TDRD6: variants seen among roughly 807,000 people sequenced by gnomAD.
The protein encoded by TDRD6 is tudor domain-containing protein 6.
Under a neutral mutation model 157.5 loss-of-function variants are expected in TDRD6, and 186 were observed. The ratio of observed to expected loss-of-function variants is 1.18; its 90% CI spans 1.05 to 1.33. TDRD6 has a LOEUF of 1.33. Among genes scored for constraint, TDRD6 ranks in the 40% most tolerant of loss-of-function variants. The pLI is 0.00. For synonymous variants in TDRD6, 1,075 were observed against 945.2 expected (o/e 1.14, Z -2.52); for missense variants, 3,066 against 2,508.0 (o/e 1.22, Z -4.75).
chr6:46,690,341 T>G lies in TDRD6; in HGVS notation c.2213T>G (p.Val738Gly). 6.2e-7 allele frequency: 1 copy of G among 1,613,376 alleles called. No individual in the cohort carries two copies. Among genetic ancestry groups the G allele is most frequent in the Non-Finnish European group, 8.5e-7 (1 of 1,179,954 alleles). The change falls in exon 1 of 4, where the codon GTG becomes GGG. Residue 738 changes from valine (V) to glycine (G), a missense_variant. By Grantham distance (109) the Val-to-Gly change is moderately radical. Transcript: ENST00000316081. ...ACAAATGGTTCAACTGAACTAGTTG[T>G]GCAGGAAAAAGTGAAAAGAGCATCT... The part of the protein sequence containing the change: ...VVTNGSTELV[V>G]QEKVKRASVY...
chr6:46,682,658 T>C, the TDRD6 span, among the ~76,000 whole-genome samples: 7 of 151,942 alleles, frequency 4.6e-5, no homozygotes, highest in African/African-American at 1.7e-4. Context: ...ATAAGGCCAA[T>C]ATACAAAAAT....
rs139287058 is a variant in TDRD6 at position 46,689,297 on chromosome 6, G to A, written c.1169G>A (p.Arg390Gln). ...TGGGACGGTGGGAGAGGCTGGTCTCGGTCACAGGTCGGTGACCTGAAGACA... is the reference window on the plus strand; with the variant it reads ...TGGGACGGTGGGAGAGGCTGGTCTCAGTCACAGGTCGGTGACCTGAAGACA... ...GLWDGGRGWSRSQVGDLKTLI... is the reference protein window; with the variant it reads ...GLWDGGRGWSQSQVGDLKTLI... The change falls in exon 1 of 4, where the codon CGG (arginine) becomes CAG (glutamine). Residue 390 changes from arginine (R) to glutamine (Q), a missense_variant. Physicochemically the swap from Arg to Gln is conservative, Grantham distance 43. Transcript: ENST00000316081. 77 of 1,614,116 alleles carry A rather than the reference G, an allele frequency of 4.8e-5. No homozygotes were observed. Among genetic ancestry groups the A allele is most frequent in the Middle Eastern group, 3.3e-4 (2 of 6,062 alleles).
chr6:46,681,704 T>C, the TDRD6 span: 3 of 397,842 alleles, frequency 7.5e-6, no homozygotes, highest in Non-Finnish European at 1.6e-5. Flanking sequence ...TAATTGCTTG[T>C]TATCACGGGT....
At position 46,688,712 on chromosome 6, in the gene TDRD6, G is replaced by T; in HGVS notation, c.584G>T (p.Gly195Val). 6.2e-7 allele frequency: 1 copy of T among 1,601,020 alleles called. No individual in the cohort carries two copies. The highest frequency in any genetic ancestry group is 8.5e-7 in the Non-Finnish European group (1 of 1,179,516). The change falls in exon 1 of 4, where the codon GGC becomes GTC. Residue 195 changes from glycine (G) to valine (V), a missense_variant. Transcript: ENST00000316081. ...PDVFQQMREL[G>V]LARRVPDSLF... ...GTGTTCCAACAGATGCGGGAGCTGGGCCTGGCTCGGCGGGTGCCCGACAGC... is the reference window on the plus strand; with the variant it reads ...GTGTTCCAACAGATGCGGGAGCTGGTCCTGGCTCGGCGGGTGCCCGACAGC...
upstream of TDRD6, among the ~76,000 whole-genome samples, chr6:46,685,838 GTTTA>G (rs990245994): frequency 6.6e-6 from 1 of 152,078 alleles, no homozygotes; most frequent in South Asian, 2.1e-4. Flanking sequence ...TGGGAGGAAA[GTTTA>G]TTTATTATAA....
At chr6:46,680,364 C>G in the TDRD6 span, among the ~76,000 whole-genome samples, 1 of 151,470 alleles carries the variant, frequency 6.6e-6, no homozygotes, top group Non-Finnish European at 1.5e-5. Context: ...AGTGATTGAA[C>G]TCTAGAATCT....
Position 46,689,968 on chromosome 6 carries a change from C to G in TDRD6, c.1840C>G (p.Gln614Glu). The G allele has an allele frequency of 6.2e-7, 1 of 1,613,632 alleles. No individual in the cohort carries two copies. The highest frequency in any genetic ancestry group is 8.5e-7 in the Non-Finnish European group (1 of 1,179,756). Residue 614 changes from glutamine (Q) to glutamate (E), a missense_variant, in exon 1 of 4, where the codon CAG becomes GAG. Gln to Glu is a conservative substitution (Grantham distance 29, BLOSUM62 2). Transcript: ENST00000316081. The stretch of plus-strand genomic sequence containing the variant: ...TTGGCCTTTGGGAAAAACTTGGAGC[C>G]AGGAGGCAGTTTCCTTTTTTAAAAA... ...DIWPLGKTWS[Q>E]EAVSFFKKTV... is the part of the protein sequence containing the mutation.
chr6:46,685,814 C>T (rs570429918), upstream of TDRD6, among the ~76,000 whole-genome samples: 44 of 151,984 alleles, frequency 2.9e-4, no homozygotes, highest in Non-Finnish European at 4.6e-4. Flanking sequence ...AAACCAAGGG[C>T]CTCTCAAGAC....
At position 46,689,330 on chromosome 6, in the gene TDRD6, T is replaced by C; in HGVS notation, c.1202T>C (p.Leu401Pro). Residue 401 changes from leucine to proline, a missense_variant, in exon 1 of 4, where the codon CTA becomes CCA. By Grantham distance (98) the Leu-to-Pro change is moderately conservative. Transcript: ENST00000316081. ...GTCGGTGACCTGAAGACACTGATAC[T>C]AGGCAAGGCAGTGAATGCAAAGATT... ...SQVGDLKTLILGKAVNAKIEF... is the reference protein window; with the variant it reads ...SQVGDLKTLIPGKAVNAKIEF... 1 of 1,614,154 alleles carries C rather than the reference T, an allele frequency of 6.2e-7. No homozygotes were observed. The highest frequency in any genetic ancestry group is 8.5e-7 in the Non-Finnish European group (1 of 1,180,028).
upstream of TDRD6, chr6:46,687,725 T>A (rs1369265664): frequency 5.6e-6 from 1 of 178,738 alleles, no homozygotes. Flanking sequence ...TCGAAGGCGC[T>A]CTGAGGAGAT....
chr6:46,691,380 T>C lies in TDRD6; in HGVS notation c.3252T>C (p.Asp1084=), dbSNP rs377389823. ...TSDDLLPIPS[D]AYDVLLLPMQ... ...ATGATCTGCTTCCAATACCTAGTGA[T>C]GCATATGATGTCTTACTTTTGCCCA... is the stretch of plus-strand genomic sequence containing the variant. The change falls in exon 1 of 4, where the codon GAT becomes GAC. Residue 1084 remains aspartate, a synonymous_variant. Transcript: ENST00000316081. 8.1e-6 allele frequency: 13 copies of C among 1,614,066 alleles called. No homozygotes were observed. Among genetic ancestry groups the C allele is most frequent in the Non-Finnish European group, 1.0e-5 (12 of 1,179,944 alleles).
Position 46,689,532 on chromosome 6 carries a change from A to G in TDRD6, c.1404A>G (p.Glu468=). The change falls in exon 1 of 4, where the codon GAA becomes GAG. Residue 468 remains glutamate, a synonymous_variant. Coordinates refer to ENST00000316081, the MANE Select transcript of TDRD6 (RefSeq NM_001010870.3). ...ETSQSQSPAE[E]VDEEISLPAL... ...CTCAGTCTCAGTCTCCTGCTGAAGAAGTAGATGAAGAGATTTCACTCCCAG... is the reference window on the plus strand; with the variant it reads ...CTCAGTCTCAGTCTCCTGCTGAAGAGGTAGATGAAGAGATTTCACTCCCAG... The G allele has an allele frequency of 6.2e-7, 1 of 1,614,152 alleles. No homozygotes were observed. The highest frequency in any genetic ancestry group is 8.5e-7 in the Non-Finnish European group (1 of 1,180,038).
chr6:46,696,923 G>A (rs569540001), intron 2 of TDRD6, among the ~76,000 whole-genome samples: 1 of 151,806 alleles, frequency 6.6e-6, no homozygotes, highest in Non-Finnish European at 1.5e-5. Context: ...TTTTTAAATT[G>A]TATTATAGAT....
chr6:46,691,443 T>G lies in TDRD6; in HGVS notation c.3315T>G (p.Asp1105Glu). Residue 1105 changes from aspartate to glutamate, a missense_variant, in exon 1 of 4, where the codon GAT (aspartate) becomes GAG (glutamate). Coordinates refer to ENST00000316081, the MANE Select transcript of TDRD6 (RefSeq NM_001010870.3). ...GATGTTCATTATCTGATATTCCTGA[T>G]CATATACCAGAAGAAGTGGTGGTGT... Reference protein sequence around the residue: ...AVRCSLSDIPDHIPEEVVVWF... With the variant: ...AVRCSLSDIPEHIPEEVVVWF... 1 of 1,614,082 alleles carries G rather than the reference T, an allele frequency of 6.2e-7. No individual in the cohort carries two copies. The highest frequency in any genetic ancestry group is 8.5e-7 in the Non-Finnish European group (1 of 1,179,954).
At chr6:46,701,740 C>T (rs967796810) in intron 3 of TDRD6, 118 bp from the exon 4 acceptor site, 2 of 867,400 alleles carry the variant, frequency 2.3e-6, no homozygotes, top group Admixed American at 2.1e-5. Flanking sequence ...TTAGAATACT[C>T]ATCTGTCCCC....
chr6:46,685,014 G>GTTT (rs76156697), upstream of TDRD6, among the ~76,000 whole-genome samples: 79 of 131,516 alleles, frequency 6.0e-4, 1 homozygote, highest in African/African-American at 2.0e-3. Flanking sequence ...AACATTGTGG[G>GTTT]TTTTTTTTTT....
rs895909450 is a variant in TDRD6 at position 46,689,142 on chromosome 6, G to T, written c.1014G>T (p.Gln338His). 1.2e-6 allele frequency: 2 copies of T among 1,614,228 alleles called. No individual in the cohort carries two copies. The highest frequency in any genetic ancestry group is 1.7e-6 in the Non-Finnish European group (2 of 1,180,034). Residue 338 changes from glutamine to histidine, a missense_variant, in exon 1 of 4, where the codon CAG becomes CAT. Gln to His is a conservative substitution (Grantham distance 24, BLOSUM62 0). Coordinates refer to ENST00000316081, the MANE Select transcript of TDRD6 (RefSeq NM_001010870.3). The part of the protein sequence containing the change: ...RALLLETFRP[Q>H]RCAQVLHVDY... ...TGTTGCTTGAGACTTTTCGGCCCCA[G>T]CGCTGTGCCCAGGTGCTTCATGTGG...
In TDRD6 at chr6:46,689,663, C is replaced by G; in HGVS notation, c.1535C>G (p.Thr512Ser). ...ATTAGGTTGAGGAAACACAATGTCA[C>G]CTTCAGTAAGCTGATGAGGAGAATG... Reference protein sequence around the residue: ...FWIRLRKHNVTFSKLMRRMCG... With the variant: ...FWIRLRKHNVSFSKLMRRMCG... Residue 512 changes from threonine to serine, a missense_variant, in exon 1 of 4, where the codon ACC becomes AGC. Physicochemically the swap from Thr to Ser is moderately conservative, Grantham distance 58. Transcript: ENST00000316081. 1.2e-6 allele frequency: 2 copies of G among 1,614,212 alleles called. No homozygotes were observed. Among genetic ancestry groups the G allele is most frequent in the South Asian group, 2.2e-5 (2 of 91,084 alleles).
chr6:46,697,253 T>G (rs1764523985), intron 2 of TDRD6, among the ~76,000 whole-genome samples: 1 of 152,142 alleles, frequency 6.6e-6, no homozygotes, highest in South Asian at 2.1e-4. Context: ...ACTGGTTAAT[T>G]CCAATTTACT....
Sources: allele counts gnomAD v4.1 joint callset (sites outside exome capture counted in the v4.1 genomes callset), GRCh38; gene constraint gnomAD v4.1.1; transcripts MANE v1.5; gene names NCBI Gene and HGNC (gene_info 2026-07-23, HGNC 2026-07-21).